ATG7: variants seen among roughly 807,000 people sequenced by gnomAD.
ATG7 encodes the protein ubiquitin-like modifier-activating enzyme ATG7.
Under a neutral mutation model 82.4 loss-of-function variants are expected in ATG7, and 70 were observed. The observed-to-expected ratio is 0.85, with a 90% CI of 0.70 to 1.04. The LOEUF is 1.04. Ranked by LOEUF, ATG7 falls within the 50% of genes least tolerant of loss-of-function variation. ATG7 has a pLI of 0.00. For missense variants in ATG7, 792 were observed against 864.3 expected, an observed-to-expected ratio of 0.92 and a Z score of 1.05; for synonymous variants, 287 against 313.0, an observed-to-expected ratio of 0.92 and a Z score of 0.88.
At chr3:11,437,672 T>G (rs1395929890) in intron 20 of ATG7, among the ~76,000 whole-genome samples, 1 of 152,114 alleles carries the variant, frequency 6.6e-6, no homozygotes, top group Non-Finnish European at 1.5e-5. Context: ...GATCCAACAA[T>G]TAACATTTTG....
Position 11,475,908 on chromosome 3 carries a change from C to CACACACACACACA in ATG7, c.2079+48982_2079+48983insACACACACACACA, listed in dbSNP as rs59230356. 1.3e-4 allele frequency among the ~76,000 whole-genome samples: 19 copies of CACACACACACACA among 145,636 alleles called. 1 individual carries two copies. Among genetic ancestry groups the CACACACACACACA allele is most frequent in the Middle Eastern group, 3.5e-3 (1 of 284 alleles). ...ACACACACACACACACACACACACA[C>CACACACACACACA]CCCCTCCCAGAGTCCGAGCATTCTA... On this transcript the variant is annotated intron_variant, in intron 20 of 20. Coordinates refer to ENST00000693202, the MANE Select transcript of ATG7 (RefSeq NM_001349232.2).
intron 20 of ATG7, among the ~76,000 whole-genome samples, chr3:11,451,556 G>A (rs1227699550): frequency 1.3e-5 from 2 of 152,048 alleles, no homozygotes; most frequent in Non-Finnish European, 2.9e-5. Context: ...CAACCCAGGG[G>A]CCCTTGGCCC....
At chr3:11,358,978 C>T (rs1315730801) in intron 15 of ATG7, among the ~76,000 whole-genome samples, 1 of 152,082 alleles carries the variant, frequency 6.6e-6, no homozygotes, top group Admixed American at 6.6e-5. Flanking sequence ...TGGTGCATAC[C>T]TATGATGGAA....
intron 20 of ATG7, among the ~76,000 whole-genome samples, chr3:11,532,293 CAT>C (rs1488606512): frequency 6.6e-6 from 1 of 152,174 alleles, no homozygotes; most frequent in Non-Finnish European, 1.5e-5. Context: ...AGCCGGCACA[CAT>C]CATCTGCAAG....
chr3:11,345,150 A>G (rs1018954622), intron 13 of ATG7, among the ~76,000 whole-genome samples: 1 of 152,044 alleles, frequency 6.6e-6, no homozygotes, highest in Non-Finnish European at 1.5e-5. Context: ...TCACGCCTGT[A>G]ATCCCAGCAC....
intron 20 of ATG7, chr3:11,488,323 G>A (rs1481510213): frequency 3.0e-6 from 1 of 331,324 alleles, no homozygotes; most frequent in Non-Finnish European, 5.2e-6. Flanking sequence ...GGCCCCGCGG[G>A]GTCCGTCCGC....
intron 20 of ATG7, among the ~76,000 whole-genome samples, chr3:11,437,438 A>G (rs1437198309): frequency 1.3e-5 from 2 of 152,216 alleles, no homozygotes; most frequent in Non-Finnish European, 2.9e-5. Context: ...TCCATAGAAG[A>G]CATCGCAGAT....
At chr3:11,503,755 C>CAAAAAAAA (rs34065629) in intron 20 of ATG7, among the ~76,000 whole-genome samples, 15 of 76,926 alleles carry the variant, frequency 1.9e-4, no homozygotes, top group South Asian at 5.1e-4. Context: ...GACTCTGTCT[C>CAAAAAAAA]AAAAAAAAAA....
chr3:11,464,006 A>G (rs2086591715), intron 20 of ATG7, among the ~76,000 whole-genome samples: 1 of 152,248 alleles, frequency 6.6e-6, no homozygotes, highest in Non-Finnish European at 1.5e-5. Context: ...CTGAGAGCAT[A>G]TCAGGAAGAG....
At chr3:11,433,127 A>G (rs567236028) in intron 20 of ATG7, among the ~76,000 whole-genome samples, 5 of 151,984 alleles carry the variant, frequency 3.3e-5, no homozygotes, top group Admixed American at 1.3e-4. Flanking sequence ...CTCTGTCTCT[A>G]TTTAAGAAAA....
chr3:11,454,615 C>A (rs1297818860), intron 20 of ATG7, among the ~76,000 whole-genome samples: 1 of 152,178 alleles, frequency 6.6e-6, no homozygotes, highest in Non-Finnish European at 1.5e-5. Flanking sequence ...TCTTTCTGGG[C>A]ATATGAGGCC....
the ATG7 span, chr3:11,568,675 A>G: frequency 6.4e-7 from 1 of 1,555,116 alleles, no homozygotes. This position sits in a 1 kb window ranked among gnomAD's most constrained non-coding sequence, Gnocchi z 5.9. Flanking sequence ...GCTCGCCCGG[A>G]TGAATCACCT....
chr3:11,511,789 G>T, intron 20 of ATG7, among the ~76,000 whole-genome samples: 1 of 152,160 alleles, frequency 6.6e-6, no homozygotes, highest in Non-Finnish European at 1.5e-5. Context: ...AGCACCGGTG[G>T]GCTGGTACTG....
chr3:11,488,753 C>T (rs1390855729), intron 20 of ATG7, among the ~76,000 whole-genome samples: 6 of 152,120 alleles, frequency 3.9e-5, no homozygotes, highest in African/African-American at 9.7e-5. Flanking sequence ...GGGATGAAGC[C>T]CACTTGATCA....
the ATG7 span, among the ~76,000 whole-genome samples, chr3:11,570,103 G>T: frequency 6.6e-6 from 1 of 151,954 alleles, no homozygotes; most frequent in African/African-American, 2.4e-5. Context: ...ATGTGCACAG[G>T]GCAGGTCAGC....
At chr3:11,507,310 A>T (rs2091788236) in intron 20 of ATG7, among the ~76,000 whole-genome samples, 1 of 152,240 alleles carries the variant, frequency 6.6e-6, no homozygotes. Context: ...TTTTGTTTAA[A>T]TGTGTAAAAT....
At chr3:11,315,704 A>G (rs1949304889) in intron 9 of ATG7, among the ~76,000 whole-genome samples, 1 of 152,184 alleles carries the variant, frequency 6.6e-6, no homozygotes, top group Non-Finnish European at 1.5e-5. Flanking sequence ...ACAGCTCAGA[A>G]TAATTTTGAT....
chr3:11,350,166 T>C (rs1433127766), intron 14 of ATG7, among the ~76,000 whole-genome samples: 1 of 152,264 alleles, frequency 6.6e-6, no homozygotes. Context: ...AGAAGCATTG[T>C]TAATGTTTTT....
At chr3:11,415,277 G>A (rs1019160144) in intron 19 of ATG7, among the ~76,000 whole-genome samples, 1 of 152,184 alleles carries the variant, frequency 6.6e-6, no homozygotes, top group Non-Finnish European at 1.5e-5. Context: ...AGGGCTGGAA[G>A]TTGCTCTGGG....
Sources: allele counts gnomAD v4.1 joint callset (sites outside exome capture counted in the v4.1 genomes callset), GRCh38; gene constraint gnomAD v4.1.1; non-coding constraint Gnocchi (gnomAD v3.1); transcripts MANE v1.5; gene names NCBI Gene and HGNC (gene_info 2026-07-23, HGNC 2026-07-21).